The following NUP160 variants were observed in gnomAD, a reference collection of about 807,000 sequenced individuals.
NUP160 encodes nuclear pore complex protein Nup160.
Under a neutral mutation model 196.9 loss-of-function variants are expected in NUP160, and 94 were observed. The ratio of observed to expected loss-of-function variants is 0.48; its 90% CI spans 0.40 to 0.57. The LOEUF is 0.57. NUP160 is among the 20% of genes least tolerant of loss of function. The probability of loss-of-function intolerance (pLI) is 0.00; values close to 1 mark genes in which losing one functional copy is unlikely to be tolerated. For missense variants in NUP160, 1,638 were observed against 1,748.3 expected (o/e 0.94, Z 1.13); for synonymous variants, 605 against 619.7 (o/e 0.98, Z 0.35).
At chr11:47,805,725 C>T (rs967547543) in intron 20 of NUP160, among the ~76,000 whole-genome samples, 7 of 152,058 alleles carry the variant, frequency 4.6e-5, no homozygotes, top group South Asian at 2.1e-4. Flanking sequence ...GGATTACAGG[C>T]GTGAGCCACT....
chr11:47,796,674 G>A (rs1172184223), intron 27 of NUP160, among the ~76,000 whole-genome samples: 1 of 152,084 alleles, frequency 6.6e-6, no homozygotes, highest in Non-Finnish European at 1.5e-5. Flanking sequence ...TTAAAAAGTT[G>A]AATGAAGAAA....
chr11:47,780,340 T>G lies in NUP160; in HGVS notation c.4221+3A>C. 1 of 1,603,872 alleles carries G rather than the reference T, an allele frequency of 6.2e-7. No individual in the cohort carries two copies. Among genetic ancestry groups the G allele is most frequent in the South Asian group, 1.1e-5 (1 of 90,904 alleles). Reference sequence around the variant, plus strand: ...AAGACGTCTCATGAAAGGGCTGACTTACTGCGATGTTGTGACTGTTGGCAC... The same window carrying G: ...AAGACGTCTCATGAAAGGGCTGACTGACTGCGATGTTGTGACTGTTGGCAC... On this transcript the variant is annotated splice_donor_region_variant and intron_variant, in intron 35 of 35. Transcript: ENST00000378460.
intron 7 of NUP160, among the ~76,000 whole-genome samples, chr11:47,825,408 T>C (rs1484964403): frequency 6.6e-6 from 1 of 151,108 alleles, no homozygotes; most frequent in Non-Finnish European, 1.5e-5. Context: ...GCCTCCCAAG[T>C]AGCTGGGATT....
At chr11:47,793,042 A>C in intron 27 of NUP160, 96 bp from the exon 28 acceptor site, 1 of 1,058,394 alleles carries the variant, frequency 9.4e-7, no homozygotes, top group Non-Finnish European at 1.4e-6. Flanking sequence ...GCTGGAGTGC[A>C]ATGGCTTGAT....
rs917044859 is a variant in NUP160, at chr11:47,824,025, A to G, written c.1102-1861T>C. The stretch of plus-strand genomic sequence containing the variant: ...TTCTTTTGCATATATATATATATAT[A>G]TATATATATATATATATATATATAT... On this transcript the variant is annotated intron_variant, in intron 7 of 35. Transcript: ENST00000378460. 1.3e-4 allele frequency among the ~76,000 whole-genome samples: 15 copies of G among 115,228 alleles called. 1 individual carries two copies. Among genetic ancestry groups the G allele is most frequent in the South Asian group, 2.7e-4 (1 of 3,688 alleles). 75.6% of individuals were successfully genotyped at this position (115,228 alleles called of 152,430 possible).
chr11:47,788,112 G>C, intron 31 of NUP160, 70 bp downstream of exon 31: 1 of 1,360,116 alleles, frequency 7.4e-7, no homozygotes, highest in Non-Finnish European at 1.0e-6. Flanking sequence ...TATGACGACT[G>C]TTTCACACTG....
At chr11:47,796,376 C>T in intron 27 of NUP160, 2 of 577,044 alleles carry the variant, frequency 3.5e-6, no homozygotes, top group Non-Finnish European at 6.2e-6. Context: ...TTACAAATTG[C>T]TGTTCTAAAT....
chr11:47,846,467 C>A (rs1044356732), intron 2 of NUP160, among the ~76,000 whole-genome samples: 1 of 152,238 alleles, frequency 6.6e-6, no homozygotes, highest in East Asian at 1.9e-4. Context: ...TAAATGGCAA[C>A]CCCTCCCCAC....
intron 32 of NUP160, among the ~76,000 whole-genome samples, chr11:47,786,053 C>CA (rs2097664342): frequency 6.6e-6 from 1 of 152,182 alleles, no homozygotes; most frequent in African/African-American, 2.4e-5. Flanking sequence ...TGATGGGTGA[C>CA]AGACTGCTGA....
At chr11:47,812,159 C>T (rs1359440747) in exon 17 of NUP160, 1 of 1,614,012 alleles carries the variant, frequency 6.2e-7, no homozygotes, top group African/African-American at 1.3e-5. Flanking sequence ...CCTCTGCACA[C>T]AATATACCCT....
chr11:47,834,562 A>G (rs10838774), intron 7 of NUP160, among the ~76,000 whole-genome samples: 52,695 of 152,002 alleles, frequency 0.35, 10,576 homozygotes, highest in South Asian at 0.52. Context: ...GAGCAATCCA[A>G]TCTAAAAACC....
At chr11:47,848,128 G>A in intron 1 of NUP160, 91 bp downstream of exon 1, 1 of 1,457,652 alleles carries the variant, frequency 6.9e-7, no homozygotes, top group Non-Finnish European at 9.6e-7. Context: ...GTGGACTCAG[G>A]AGGATGAAAC....
chr11:47,834,637 C>T (rs927627145), intron 7 of NUP160, among the ~76,000 whole-genome samples: 9 of 151,982 alleles, frequency 5.9e-5, no homozygotes, highest in African/African-American at 1.9e-4. Flanking sequence ...GGTTGGGGTT[C>T]GGCATAAGGA....
chr11:47,797,820 A>G (rs1455581659), exon 27 of NUP160: 1 of 1,613,244 alleles, frequency 6.2e-7, no homozygotes, highest in South Asian at 1.1e-5. Flanking sequence ...GGCATACAGA[A>G]GTTCATAGTA....
At chr11:47,801,572 A>C (rs2097674197) in intron 23 of NUP160, among the ~76,000 whole-genome samples, 1 of 151,984 alleles carries the variant, frequency 6.6e-6, no homozygotes, top group African/African-American at 2.4e-5. Context: ...CTGGTCTCAA[A>C]CTCCTGACCT....
chr11:47,810,196 A>AT lies in NUP160; in HGVS notation c.2242-1668dup, dbSNP rs796660797. 8.9e-3 allele frequency among the ~76,000 whole-genome samples: 1,333 copies of AT among 149,916 alleles called. 21 individuals are homozygous for AT. The highest frequency in any genetic ancestry group is 0.03 in the African/African-American group (1,248 of 40,924). On this transcript the variant is annotated intron_variant, in intron 17 of 35. Transcript: ENST00000378460. ...TGATCTTAAACAAATTATCTTCCCA[A>AT]TTTTTTTTTTCTTTTTTTTGAGATA...
chr11:47,803,615 C>G, intron 21 of NUP160, 79 bp from the exon 22 acceptor site: 2 of 808,564 alleles, frequency 2.5e-6, no homozygotes, highest in South Asian at 1.4e-5. Context: ...TTATTCGTCA[C>G]AGAGGATGAA....
chr11:47,834,248 G>C (rs1473740618), intron 7 of NUP160, among the ~76,000 whole-genome samples: 1 of 152,086 alleles, frequency 6.6e-6, no homozygotes, highest in Non-Finnish European at 1.5e-5. Flanking sequence ...ATTTTAGTGT[G>C]ACAAACTAAT....
chr11:47,824,167 C>T (rs1293395343), intron 7 of NUP160, among the ~76,000 whole-genome samples: 2 of 151,050 alleles, frequency 1.3e-5, no homozygotes, highest in African/African-American at 4.9e-5. Flanking sequence ...TTCCCACTAG[C>T]AATGTACAAG....
Sources: allele counts gnomAD v4.1 joint callset (sites outside exome capture counted in the v4.1 genomes callset), GRCh38; gene constraint gnomAD v4.1.1; transcripts MANE v1.5; gene names NCBI Gene and HGNC (gene_info 2026-07-23, HGNC 2026-07-21).